The following TEX11 variants were observed in gnomAD, a reference collection of about 807,000 sequenced individuals.
The protein encoded by TEX11 is testis-expressed protein 11.
Under a neutral mutation model 84.4 loss-of-function variants are expected in TEX11, and 7 were observed. The ratio of observed to expected loss-of-function variants is 0.08; its 90% CI spans 0.05 to 0.16. The LOEUF is 0.16. Among genes scored for constraint, TEX11 ranks in the 10% least tolerant of loss-of-function variants. The pLI is 1.00. For missense variants in TEX11, 551 were observed against 660.5 expected (o/e 0.83, Z 1.82); for synonymous variants, 264 against 222.8 (o/e 1.18, Z -1.64).
intron 10 of TEX11, among the ~76,000 whole-genome samples, chrX:70,743,239 G>T (rs942565086): frequency 1.8e-5 from 2 of 111,916 alleles, no homozygotes; most frequent in African/African-American, 6.5e-5. Flanking sequence ...ATTAAGCCAG[G>T]ATAATATTTC....
intron 9 of TEX11, among the ~76,000 whole-genome samples, chrX:70,768,844 T>A (rs4844260): frequency 0.075 from 8,344 of 111,386 alleles, 490 homozygotes; most frequent in Admixed American, 0.28. Flanking sequence ...ATAGAACATA[T>A]CCTAGGCCAT....
Position 70,802,066 on chromosome X carries a change from T to G in TEX11, c.692+4639A>C, listed in dbSNP as rs1167558026. Reference sequence around the variant, plus strand: ...CCTGTGAAATACTTCTGCCAAAAAATCTGGTAAGAGCCTTTAGAATCTTAA... The same window carrying G: ...CCTGTGAAATACTTCTGCCAAAAAAGCTGGTAAGAGCCTTTAGAATCTTAA... On this transcript the variant is annotated intron_variant, in intron 9 of 29. Transcript: ENST00000374333. Among the ~76,000 whole-genome samples the G allele has an allele frequency of 2.7e-5, 3 of 111,450 alleles. No homozygotes were observed. The Admixed American group carries it at 2.9e-4, about 11-fold the overall frequency.
At chrX:70,550,947 A>G (rs971500773) in intron 28 of TEX11, among the ~76,000 whole-genome samples, 2 of 111,692 alleles carry the variant, frequency 1.8e-5, no homozygotes, top group Non-Finnish European at 3.8e-5. Context: ...AGGTATCTGC[A>G]CTCCTATGTT....
At chrX:70,644,200 T>A (rs2089707522) in intron 17 of TEX11, among the ~76,000 whole-genome samples, 1 of 101,590 alleles carries the variant, frequency 9.8e-6, no homozygotes, top group African/African-American at 3.6e-5. Flanking sequence ...ATCAGAGAAA[T>A]GCAAATCAAA....
intron 2 of TEX11, among the ~76,000 whole-genome samples, chrX:70,905,183 C>T (rs755758205): frequency 2.7e-5 from 3 of 111,699 alleles, no homozygotes; most frequent in South Asian, 7.5e-4. Flanking sequence ...ATTAGCCAGG[C>T]GTGGCGGCAT....
chrX:70,745,434 TA>T (rs201028378), intron 9 of TEX11, among the ~76,000 whole-genome samples: 130 of 101,240 alleles, frequency 1.3e-3, no homozygotes, highest in African/African-American at 3.3e-3. Context: ...AAATATTCCT[TA>T]AAAAAAAAAA....
intron 9 of TEX11, among the ~76,000 whole-genome samples, chrX:70,746,833 C>T (rs1434105909): frequency 8.9e-6 from 1 of 112,265 alleles, no homozygotes; most frequent in African/African-American, 3.2e-5. Flanking sequence ...TGGGGTCACA[C>T]TTATCTCTAG....
At chrX:70,632,018 C>G (rs367822815) in intron 17 of TEX11, among the ~76,000 whole-genome samples, 2 of 90,911 alleles carry the variant, frequency 2.2e-5, no homozygotes, top group Admixed American at 1.3e-4. Flanking sequence ...AGTGTTAAAA[C>G]TCATTGTAAG....
At chrX:70,812,757 A>G (rs2091264578) in intron 8 of TEX11, among the ~76,000 whole-genome samples, 1 of 111,635 alleles carries the variant, frequency 9.0e-6, no homozygotes, top group Admixed American at 9.6e-5. Flanking sequence ...AAAAATGATA[A>G]AGGGGATATC....
chrX:70,616,707 G>A (rs1043171238), intron 20 of TEX11, among the ~76,000 whole-genome samples: 2 of 111,965 alleles, frequency 1.8e-5, no homozygotes, highest in African/African-American at 6.5e-5. Context: ...AAATAATTGA[G>A]ATCCTGTCAT....
intron 5 of TEX11, among the ~76,000 whole-genome samples, chrX:70,854,378 A>G (rs1305580550): frequency 9.0e-6 from 1 of 111,093 alleles, no homozygotes; most frequent in Non-Finnish European, 1.9e-5. Flanking sequence ...ACAAAGTAGC[A>G]AGTAAAGAGA....
intron 8 of TEX11, among the ~76,000 whole-genome samples, chrX:70,828,869 A>G (rs780037558): frequency 3.6e-5 from 4 of 111,687 alleles, no homozygotes; most frequent in Admixed American, 9.6e-5. Flanking sequence ...AAAATCACAT[A>G]CAATCGAACT....
chrX:70,837,987 G>C (rs967314871), intron 7 of TEX11, among the ~76,000 whole-genome samples: 3 of 111,973 alleles, frequency 2.7e-5, no homozygotes, highest in African/African-American at 9.7e-5. Flanking sequence ...TCTATTTCCT[G>C]GTTTTATATT....
intron 2 of TEX11, among the ~76,000 whole-genome samples, chrX:70,896,170 T>C (rs2091765373): frequency 9.0e-6 from 1 of 111,148 alleles, no homozygotes; most frequent in Non-Finnish European, 1.9e-5. Context: ...TTAAACAAAT[T>C]TACAAGAAAA....
At chrX:70,831,208 G>T (rs746656115) in intron 8 of TEX11, among the ~76,000 whole-genome samples, 4 of 111,862 alleles carry the variant, frequency 3.6e-5, no homozygotes, top group Non-Finnish European at 5.6e-5. Context: ...TAAGCCAGCC[G>T]CAGAAAGACA....
intron 24 of TEX11, among the ~76,000 whole-genome samples, chrX:70,604,892 C>A (rs2089177743): frequency 9.0e-6 from 1 of 111,408 alleles, no homozygotes; most frequent in African/African-American, 3.3e-5. Flanking sequence ...ATTTAAGAAT[C>A]TGATAGGGGA....
chrX:70,751,026 G>A (rs1159876401), intron 9 of TEX11, among the ~76,000 whole-genome samples: 1 of 96,574 alleles, frequency 1.0e-5, no homozygotes, highest in Non-Finnish European at 2.1e-5. Context: ...CTTTTATACT[G>A]TTGGTGGGAC....
chrX:70,731,948 A>C (rs929087309), intron 11 of TEX11, among the ~76,000 whole-genome samples: 4 of 112,038 alleles, frequency 3.6e-5, no homozygotes, highest in Non-Finnish European at 7.5e-5. Flanking sequence ...CAAAAAGCTT[A>C]TCCACCATGA....
intron 4 of TEX11, among the ~76,000 whole-genome samples, chrX:70,871,871 C>G (rs1395085720): frequency 2.8e-5 from 3 of 105,545 alleles, no homozygotes; most frequent in African/African-American, 1.0e-4. Context: ...AGTATTTTTC[C>G]TCTTACAGCA....
Sources: gnomAD v4.1 joint callset for allele counts (sites outside exome capture counted in the v4.1 genomes callset) on GRCh38, gnomAD v4.1.1 for gene constraint, MANE v1.5 for transcripts, NCBI Gene and HGNC (gene_info 2026-07-23, HGNC 2026-07-21) for gene names.